The following GNAL variants were observed in gnomAD, a reference collection of about 807,000 sequenced individuals.
The protein encoded by GNAL is guanine nucleotide-binding protein G(olf) subunit alpha.
A neutral mutation model predicts 55.1 loss-of-function variants in GNAL; 18 were observed. The ratio of observed to expected loss-of-function variants is 0.33; its 90% CI spans 0.23 to 0.48. The LOEUF (loss-of-function observed/expected upper bound fraction) is 0.48. GNAL is among the 20% of genes least tolerant of loss of function. The pLI, the probability that GNAL is intolerant of heterozygous loss-of-function variation, is 0.99. For missense variants in GNAL, 412 were observed against 614.1 expected, an observed-to-expected ratio of 0.67 and a Z score of 3.48; for synonymous variants, 253 against 237.0, an observed-to-expected ratio of 1.07 and a Z score of -0.62.
chr18:11,786,436 C>CCTTTTTTTTTTTTTTTTTTTTTTT (rs2034059621), intron 4 of GNAL, among the ~76,000 whole-genome samples: 2 of 60,616 alleles, frequency 3.3e-5, no homozygotes, highest in African/African-American at 1.4e-4. Flanking sequence ...CATACGTTTT[C>CCTTTTTTTTTTTTTTTTTTTTTTT]TTTTTTTTTT....
chr18:11,879,397 C>T (rs1273168867), intron 11 of GNAL, among the ~76,000 whole-genome samples: 3 of 152,014 alleles, frequency 2.0e-5, no homozygotes, highest in South Asian at 2.1e-4. Flanking sequence ...TAAGTCTGCC[C>T]GGGCTGCCAT....
chr18:11,825,278 A>G (rs7229724), intron 5 of GNAL, among the ~76,000 whole-genome samples: 271 of 152,278 alleles, frequency 1.8e-3, no homozygotes, highest in African/African-American at 6.3e-3. Context: ...TGACTTTTAC[A>G]TAGAGCTATA....
chr18:11,742,760 C>T (rs542487364), intron 1 of GNAL, among the ~76,000 whole-genome samples: 10 of 152,170 alleles, frequency 6.6e-5, no homozygotes, highest in Non-Finnish European at 7.3e-5. Flanking sequence ...CCTCGGATGC[C>T]GCTCCCATGA....
chr18:11,707,245 A>G (rs555891830), intron 1 of GNAL, among the ~76,000 whole-genome samples: 2 of 152,350 alleles, frequency 1.3e-5, no homozygotes, highest in Admixed American at 6.5e-5. Flanking sequence ...TTATAGCGCT[A>G]TGAAACATAT....
At chr18:11,707,342 A>G (rs1342473807) in intron 1 of GNAL, among the ~76,000 whole-genome samples, 2 of 152,242 alleles carry the variant, frequency 1.3e-5, no homozygotes, top group East Asian at 1.9e-4. Flanking sequence ...CATGAAAACA[A>G]TATTAATCTC....
intron 5 of GNAL, among the ~76,000 whole-genome samples, chr18:11,848,783 T>C (rs1161627128): frequency 6.6e-6 from 1 of 152,168 alleles, no homozygotes; most frequent in African/African-American, 2.4e-5. Flanking sequence ...AAAGTTCATA[T>C]TAACTTTGCA....
At chr18:11,820,563 T>A (rs1348186750) in intron 4 of GNAL, among the ~76,000 whole-genome samples, 1 of 152,178 alleles carries the variant, frequency 6.6e-6, no homozygotes, top group Non-Finnish European at 1.5e-5. Flanking sequence ...TAAAAGTGGA[T>A]GAGATATGGA....
intron 4 of GNAL, 113 bp downstream of exon 4, chr18:11,754,058 T>C: frequency 1.3e-6 from 1 of 797,184 alleles, no homozygotes; most frequent in South Asian, 1.7e-5. Context: ...TTCTTCGAAA[T>C]CCAGCTCTCT....
At chr18:11,767,282 C>T (rs2033437009) in intron 4 of GNAL, among the ~76,000 whole-genome samples, 1 of 151,564 alleles carries the variant, frequency 6.6e-6, no homozygotes, top group African/African-American at 2.4e-5. Context: ...TCTAGGCACC[C>T]TTATGCTTGC....
intron 1 of GNAL, among the ~76,000 whole-genome samples, chr18:11,719,468 A>T (rs1217229835): frequency 1.3e-5 from 2 of 152,156 alleles, no homozygotes; most frequent in Non-Finnish European, 2.9e-5. Flanking sequence ...TCTTCCTTTG[A>T]TGACACTGGC....
chr18:11,737,930 A>G (rs1167066187), intron 1 of GNAL, among the ~76,000 whole-genome samples: 1 of 152,104 alleles, frequency 6.6e-6, no homozygotes, highest in Admixed American at 6.5e-5. Context: ...CACCCACAGG[A>G]GCTGGGCCAG....
intron 5 of GNAL, chr18:11,857,511 C>G: frequency 1.0e-6 from 1 of 985,408 alleles, no homozygotes; most frequent in Non-Finnish European, 1.2e-6. Flanking sequence ...GGACTTTACC[C>G]CATGGGAAGG....
At chr18:11,798,655 G>A (rs1389284958) in intron 4 of GNAL, among the ~76,000 whole-genome samples, 2 of 152,102 alleles carry the variant, frequency 1.3e-5, no homozygotes, top group Non-Finnish European at 2.9e-5. Context: ...GCTGACATTT[G>A]TCATGTTCAA....
intron 1 of GNAL, among the ~76,000 whole-genome samples, chr18:11,741,488 C>T (rs1014217992): frequency 6.6e-6 from 1 of 152,330 alleles, no homozygotes; most frequent in Non-Finnish European, 1.5e-5. Flanking sequence ...CCGCTGTAAT[C>T]GTTACAGAAT....
chr18:11,794,144 G>T (rs1429848381), intron 4 of GNAL, among the ~76,000 whole-genome samples: 1 of 152,192 alleles, frequency 6.6e-6, no homozygotes, highest in Non-Finnish European at 1.5e-5. Context: ...CTCATGCATT[G>T]CTGCTGGAAG....
chr18:11,875,788 A>C (rs1442424918), intron 10 of GNAL, among the ~76,000 whole-genome samples: 3 of 152,212 alleles, frequency 2.0e-5, no homozygotes, highest in Non-Finnish European at 4.4e-5. Context: ...CAATGCAAGA[A>C]TGGACTAACA....
intron 4 of GNAL, among the ~76,000 whole-genome samples, chr18:11,787,734 C>G (rs1222450320): frequency 6.6e-6 from 1 of 152,058 alleles, no homozygotes; most frequent in African/African-American, 2.4e-5. Context: ...ATTAGCCAGG[C>G]ATGGTGGCGG....
chr18:11,799,679 A>T lies in GNAL; in HGVS notation c.625-25239A>T, dbSNP rs114651409. ...GATTAGGGATGCTCAACCTACGTAT[A>T]AAAAAAATCCAATATATGAAATACT... On this transcript the variant is annotated intron_variant, in intron 4 of 11. Coordinates refer to ENST00000334049, the MANE Select transcript of GNAL (RefSeq NM_182978.4). Among the ~76,000 whole-genome samples, 774 of 152,126 alleles carry T rather than the reference A, an allele frequency of 5.1e-3. 4 individuals carry two copies. The highest frequency in any genetic ancestry group is 0.017 in the African/African-American group (725 of 41,538).
In GNAL at chr18:11,810,022, G is replaced by A. The variant is rs139336276; in HGVS notation, c.625-14896G>A. Among the ~76,000 whole-genome samples, 677 of 152,330 alleles carry A rather than the reference G, an allele frequency of 4.4e-3. 3 individuals are homozygous for A. The highest frequency in any genetic ancestry group is 7.2e-3 in the Non-Finnish European group (492 of 68,040). ...CCCTCATACCTTTAAGCTAGTGCAG[G>A]TGTTGAGCTTCCTGTAGCCACTGAG... On this transcript the variant is annotated intron_variant, in intron 4 of 11. Coordinates refer to ENST00000334049, the MANE Select transcript of GNAL (RefSeq NM_182978.4).
Sources: allele counts gnomAD v4.1 joint callset (sites outside exome capture counted in the v4.1 genomes callset), GRCh38; gene constraint gnomAD v4.1.1; transcripts MANE v1.5; gene names NCBI Gene and HGNC (gene_info 2026-07-23, HGNC 2026-07-21).